Variants in KCNK13 observed in about 807,000 individuals in gnomAD.
The protein encoded by KCNK13 is potassium channel subfamily K member 13.
KCNK13 carries 12 observed loss-of-function variants against 23.4 expected under a neutral mutation model. The ratio of observed to expected loss-of-function variants is 0.51; its 90% CI spans 0.33 to 0.83. KCNK13 has a LOEUF of 0.83. Among genes scored for constraint, KCNK13 ranks in the 40% least tolerant of loss-of-function variants. The pLI is 0.02. For synonymous variants in KCNK13, 231 were observed against 229.5 expected (o/e 1.01, Z -0.06); for missense variants, 463 against 556.3 (o/e 0.83, Z 1.69).
intron 1 of KCNK13, among the ~76,000 whole-genome samples, chr14:90,153,580 C>CT (rs1400367679): frequency 3.3e-5 from 5 of 152,184 alleles, no homozygotes; most frequent in Non-Finnish European, 7.3e-5. Flanking sequence ...ACTGTGTTTA[C>CT]TTTTTTGTCA....
intron 1 of KCNK13, among the ~76,000 whole-genome samples, chr14:90,066,683 C>A (rs1889013442): frequency 6.6e-6 from 1 of 152,168 alleles, no homozygotes; most frequent in South Asian, 2.1e-4. Context: ...TTGAGGATTT[C>A]ATGTAGCTGT....
intron 1 of KCNK13, among the ~76,000 whole-genome samples, chr14:90,177,605 G>T (rs1890437933): frequency 6.6e-6 from 1 of 152,174 alleles, no homozygotes. Context: ...TTTGCCAAAG[G>T]ATTTCTGGAA....
At chr14:90,169,068 G>C (rs994915003) in intron 1 of KCNK13, among the ~76,000 whole-genome samples, 6 of 152,084 alleles carry the variant, frequency 3.9e-5, no homozygotes, top group African/African-American at 1.4e-4. Context: ...CCCAGTCTCA[G>C]GTATGTGTTT....
chr14:90,068,244 C>T (rs1045960921), intron 1 of KCNK13, among the ~76,000 whole-genome samples: 2 of 152,090 alleles, frequency 1.3e-5, no homozygotes, highest in East Asian at 1.9e-4. Flanking sequence ...GTCAGGGAAA[C>T]GTTATCCCAT....
In KCNK13 at chr14:90,115,268, C is replaced by T. The variant is rs117366126; in HGVS notation, c.334+52729C>T. ...AGTGTGAATCTCTGAAGGGTAATTA[C>T]TGGGGATCTGAGTGGTAAACGTTCC... On this transcript the variant is annotated intron_variant, in intron 1 of 1. Transcript: ENST00000282146. Among the ~76,000 whole-genome samples, 24 of 152,292 alleles carry T rather than the reference C, an allele frequency of 1.6e-4. 1 individual carries two copies. In the Middle Eastern group the frequency reaches 0.01, roughly 65 times the overall value.
At chr14:90,065,288 A>G (rs557552490) in intron 1 of KCNK13, among the ~76,000 whole-genome samples, 1 of 152,352 alleles carries the variant, frequency 6.6e-6, no homozygotes, top group African/African-American at 2.4e-5. Flanking sequence ...GTATACAGGA[A>G]AATAATCATA....
chr14:90,096,808 G>C (rs1188483337), intron 1 of KCNK13, among the ~76,000 whole-genome samples: 1 of 152,182 alleles, frequency 6.6e-6, no homozygotes, highest in Admixed American at 6.5e-5. Flanking sequence ...TTTGACTTCT[G>C]CTTTCTGCTT....
chr14:90,122,897 G>A (rs1435914737), intron 1 of KCNK13, among the ~76,000 whole-genome samples: 2 of 152,172 alleles, frequency 1.3e-5, no homozygotes, highest in African/African-American at 4.8e-5. Context: ...AAAGATCTGG[G>A]TAGATTTCCC....
At chr14:90,120,425 G>T (rs1889725181) in intron 1 of KCNK13, among the ~76,000 whole-genome samples, 1 of 152,184 alleles carries the variant, frequency 6.6e-6, no homozygotes, top group South Asian at 2.1e-4. Context: ...AAAGAAAAGA[G>T]GTTTAATTGG....
chr14:90,095,241 T>A (rs1032817155), intron 1 of KCNK13, among the ~76,000 whole-genome samples: 4 of 152,218 alleles, frequency 2.6e-5, no homozygotes, highest in African/African-American at 9.7e-5. Flanking sequence ...TCCTTTCTTT[T>A]CTCAGATGTC....
At position 90,113,009 on chromosome 14, in the gene KCNK13, G is replaced by A. The variant is rs537147085; in HGVS notation, c.334+50470G>A. Among the ~76,000 whole-genome samples the A allele has an allele frequency of 2.9e-3, 439 of 151,794 alleles. 5 individuals are homozygous for A. The highest frequency in any genetic ancestry group is 9.7e-3 in the African/African-American group (400 of 41,370). ...GCTCATTGCAGCTTCATCGTTTTGGGCTCAAGCAATCCTTTCACCCCAACC... is the reference window on the plus strand; with the variant it reads ...GCTCATTGCAGCTTCATCGTTTTGGACTCAAGCAATCCTTTCACCCCAACC... On this transcript the variant is annotated intron_variant, in intron 1 of 1. Coordinates refer to ENST00000282146, the MANE Select transcript of KCNK13 (RefSeq NM_022054.4).
In KCNK13 at chr14:90,144,837, T is replaced by C. The variant is rs939796048; in HGVS notation, c.335-39274T>C. ...CTAAAACCTCCAGCAGAATGTCGAA[T>C]AGAAATGGTGAGAGTGGATATCCTA... On this transcript the variant is annotated intron_variant, in intron 1 of 1. Coordinates refer to ENST00000282146, the MANE Select transcript of KCNK13 (RefSeq NM_022054.4). 2.9e-4 allele frequency among the ~76,000 whole-genome samples: 44 copies of C among 152,140 alleles called. 1 individual carries two copies. Among genetic ancestry groups the C allele is most frequent in the African/African-American group, 1.0e-3 (43 of 41,440 alleles).
chr14:90,151,614 CA>C (rs1566646807), intron 1 of KCNK13, among the ~76,000 whole-genome samples: 3 of 152,124 alleles, frequency 2.0e-5, no homozygotes, highest in African/African-American at 7.2e-5. Context: ...CTTTGCTGTG[CA>C]AAAACTTTTA....
At chr14:90,118,167 G>A (rs1039231208) in intron 1 of KCNK13, among the ~76,000 whole-genome samples, 8 of 152,180 alleles carry the variant, frequency 5.3e-5, no homozygotes, top group Non-Finnish European at 1.2e-4. Context: ...TAGAGTAAAT[G>A]CAGTGAAGGC....
At chr14:90,143,202 TCTTTCTTTTC>T (rs1566644809) in intron 1 of KCNK13, among the ~76,000 whole-genome samples, 7 of 131,010 alleles carry the variant, frequency 5.3e-5, no homozygotes, top group East Asian at 2.2e-4. Context: ...TTCTTTCTTT[TCTTTCTTTTC>T]TTTTTTTTTT....
At chr14:90,064,495 T>C (rs1422378827) in intron 1 of KCNK13, among the ~76,000 whole-genome samples, 2 of 152,132 alleles carry the variant, frequency 1.3e-5, no homozygotes, top group Non-Finnish European at 2.9e-5. Context: ...GAAAGAAACC[T>C]GGACAAAGAG....
intron 1 of KCNK13, among the ~76,000 whole-genome samples, chr14:90,099,724 A>G (rs1455944344): frequency 6.6e-6 from 1 of 152,200 alleles, no homozygotes; most frequent in African/African-American, 2.4e-5. Flanking sequence ...CAACCTGACC[A>G]CACAGCAGAT....
chr14:90,096,506 A>G (rs941997799), intron 1 of KCNK13, among the ~76,000 whole-genome samples: 1 of 152,204 alleles, frequency 6.6e-6, no homozygotes, highest in African/African-American at 2.4e-5. Context: ...AACATAATAA[A>G]TTATTCTCTT....
chr14:90,155,459 G>A (rs1680983369), intron 1 of KCNK13, among the ~76,000 whole-genome samples: 1 of 152,180 alleles, frequency 6.6e-6, no homozygotes, highest in African/African-American at 2.4e-5. Context: ...TACGGGGTGT[G>A]TGATCTGACT....
Sources: gnomAD v4.1 joint callset for allele counts (sites outside exome capture counted in the v4.1 genomes callset) on GRCh38, gnomAD v4.1.1 for gene constraint, MANE v1.5 for transcripts, NCBI Gene and HGNC (gene_info 2026-07-23, HGNC 2026-07-21) for gene names.